Variants in NELL1 observed in about 807,000 individuals in gnomAD.
The protein encoded by NELL1 is protein kinase C-binding protein NELL1.
Under a neutral mutation model 107.4 loss-of-function variants are expected in NELL1, and 76 were observed. The ratio of observed to expected loss-of-function variants is 0.71; its 90% CI spans 0.59 to 0.86. The LOEUF (loss-of-function observed/expected upper bound fraction) is 0.86. Ranked by LOEUF, NELL1 falls within the 40% of genes least tolerant of loss-of-function variation. NELL1 has a pLI of 0.00. For synonymous variants in NELL1, 353 were observed against 341.2 expected, an observed-to-expected ratio of 1.03 and a Z score of -0.38; for missense variants, 1,024 against 1,005.5, an observed-to-expected ratio of 1.02 and a Z score of -0.25.
At chr11:20,841,786 G>C (rs886629827) in intron 3 of NELL1, among the ~76,000 whole-genome samples, 4 of 152,024 alleles carry the variant, frequency 2.6e-5, no homozygotes, top group Non-Finnish European at 4.4e-5. Flanking sequence ...GGAATCCTAG[G>C]GCTTTGCGGA....
Position 21,105,143 on chromosome 11 carries a change from T to C in NELL1, c.1301-8446T>C, listed in dbSNP as rs112847775. ...ACTGAAGCAGCATCATTGTCTGGGGTAAATACCCAAGGTTTGTTGCCTCAT... is the reference window on the plus strand; with the variant it reads ...ACTGAAGCAGCATCATTGTCTGGGGCAAATACCCAAGGTTTGTTGCCTCAT... On this transcript the variant is annotated intron_variant, in intron 12 of 19. Transcript: ENST00000357134. Among the ~76,000 whole-genome samples, 781 of 152,208 alleles carry C rather than the reference T, an allele frequency of 5.1e-3. 9 individuals are homozygous for C. Among genetic ancestry groups the C allele is most frequent in the African/African-American group, 0.018 (753 of 41,530 alleles).
rs556283529 is a variant in NELL1, at chr11:20,868,313, C to A, written c.507-17131C>A. Among the ~76,000 whole-genome samples the A allele has an allele frequency of 5.9e-5, 9 of 152,050 alleles. No individual in the cohort carries two copies. The South Asian group carries it at 1.7e-3, about 28-fold the overall frequency. ...AAGGACAAATATTATAAGATTTCAT[C>A]TATATGAAATATCTAGAATAGGAGC... is the stretch of plus-strand genomic sequence containing the variant. On this transcript the variant is annotated intron_variant, in intron 4 of 19. Transcript: ENST00000357134.
At chr11:20,976,978 G>A (rs775389638) in intron 12 of NELL1, among the ~76,000 whole-genome samples, 15 of 151,416 alleles carry the variant, frequency 9.9e-5, no homozygotes, top group Non-Finnish European at 7.4e-5. Flanking sequence ...TCATAATTAA[G>A]AAGAGAATGG....
chr11:21,308,763 A>T (rs1849663472), intron 14 of NELL1, among the ~76,000 whole-genome samples: 1 of 152,014 alleles, frequency 6.6e-6, no homozygotes. Flanking sequence ...TTGTGATAGG[A>T]TCATAAGCCA....
intron 16 of NELL1, among the ~76,000 whole-genome samples, chr11:21,551,917 G>C (rs183653981): frequency 0.12 from 17,771 of 146,086 alleles, 1,078 homozygotes; most frequent in Middle Eastern, 0.18. Flanking sequence ...ACTGGATTAA[G>C]AAAATGTGGC....
At chr11:21,164,091 G>T (rs1856430942) in intron 13 of NELL1, among the ~76,000 whole-genome samples, 1 of 152,138 alleles carries the variant, frequency 6.6e-6, no homozygotes. Flanking sequence ...CCAAACCTGT[G>T]CGCACCTTGA....
At chr11:21,031,700 C>G (rs943472510) in intron 12 of NELL1, among the ~76,000 whole-genome samples, 1 of 151,960 alleles carries the variant, frequency 6.6e-6, no homozygotes, top group Non-Finnish European at 1.5e-5. Flanking sequence ...GGGCATATTA[C>G]TTTTTGTTTT....
At chr11:21,326,079 TTTGG>T (rs1850130968) in intron 14 of NELL1, among the ~76,000 whole-genome samples, 2 of 49,598 alleles carry the variant, frequency 4.0e-5, no homozygotes, top group African/African-American at 1.4e-4. Flanking sequence ...TTTTTTTTTT[TTTGG>T]GCTATTTTGA....
chr11:20,927,513 C>T, intron 8 of NELL1, 71 bp downstream of exon 8: 2 of 1,423,656 alleles, frequency 1.4e-6, no homozygotes, highest in Non-Finnish European at 1.9e-6. Context: ...AGAGTGTAAC[C>T]TGGTTCTTTA....
intron 14 of NELL1, among the ~76,000 whole-genome samples, chr11:21,257,019 C>G (rs1437980434): frequency 6.6e-6 from 1 of 152,008 alleles, no homozygotes; most frequent in East Asian, 1.9e-4. Context: ...TACGTAGCTG[C>G]TCCACAGGAA....
intron 15 of NELL1, among the ~76,000 whole-genome samples, chr11:21,442,059 C>T (rs1853299549): frequency 6.6e-6 from 1 of 152,106 alleles, no homozygotes; most frequent in Admixed American, 6.6e-5. Context: ...GATCCTAAGT[C>T]ATCAAAAAAT....
chr11:20,998,115 C>G (rs994610840), intron 12 of NELL1, among the ~76,000 whole-genome samples: 7 of 152,118 alleles, frequency 4.6e-5, no homozygotes, highest in African/African-American at 1.7e-4. Flanking sequence ...TTTTCCATCT[C>G]CTGAGATTTT....
intron 2 of NELL1, among the ~76,000 whole-genome samples, chr11:20,740,950 C>T (rs554871774): frequency 1.2e-4 from 19 of 152,132 alleles, no homozygotes; most frequent in African/African-American, 3.9e-4. Flanking sequence ...TCTGTTCCTT[C>T]TGATGTTCCC....
chr11:21,165,235 T>G (rs183107616), intron 13 of NELL1, among the ~76,000 whole-genome samples: 2 of 152,310 alleles, frequency 1.3e-5, no homozygotes, highest in African/African-American at 2.4e-5. Context: ...CCTTAGAAAC[T>G]GCTGAGGTCT....
chr11:21,233,209 A>G (rs574076979), intron 14 of NELL1, among the ~76,000 whole-genome samples: 2 of 152,324 alleles, frequency 1.3e-5, no homozygotes, highest in South Asian at 4.1e-4. Context: ...AAAAACTCTC[A>G]TTAAGTATGT....
intron 14 of NELL1, among the ~76,000 whole-genome samples, chr11:21,364,948 T>C (rs1851183209): frequency 6.6e-6 from 1 of 152,200 alleles, no homozygotes; most frequent in South Asian, 2.1e-4. Context: ...CATTTTCTTC[T>C]ATTAAGTACC....
intron 14 of NELL1, among the ~76,000 whole-genome samples, chr11:21,342,652 A>G (rs1307978277): frequency 1.3e-5 from 2 of 150,582 alleles, no homozygotes; most frequent in African/African-American, 4.9e-5. Flanking sequence ...TAAAAAAAAA[A>G]AAAAAAGAAA....
intron 2 of NELL1, among the ~76,000 whole-genome samples, chr11:20,736,377 G>A (rs1466051088): frequency 6.6e-6 from 1 of 152,160 alleles, no homozygotes; most frequent in African/African-American, 2.4e-5. Flanking sequence ...AGAGCAACCT[G>A]TCAGTGCACA....
intron 12 of NELL1, among the ~76,000 whole-genome samples, chr11:21,100,676 C>G (rs1357321908): frequency 1.3e-5 from 2 of 152,138 alleles, no homozygotes; most frequent in Non-Finnish European, 2.9e-5. Context: ...TTCACAACAG[C>G]CAAAAGGTGG....
Sources: allele counts gnomAD v4.1 joint callset (sites outside exome capture counted in the v4.1 genomes callset), GRCh38; gene constraint gnomAD v4.1.1; transcripts MANE v1.5; gene names NCBI Gene and HGNC (gene_info 2026-07-23, HGNC 2026-07-21).